Variants in ELAPOR1 observed in about 807,000 individuals in gnomAD.
ELAPOR1 encodes the protein endosome-lysosome associated apoptosis and autophagy regulator 1.
Under a neutral mutation model 119.7 loss-of-function variants are expected in ELAPOR1, and 77 were observed. The observed-to-expected ratio is 0.64, with a 90% CI of 0.54 to 0.78. The LOEUF (loss-of-function observed/expected upper bound fraction) is 0.78. Among genes scored for constraint, ELAPOR1 ranks in the 30% least tolerant of loss-of-function variants. The pLI is 0.00. For missense variants in ELAPOR1, 1,115 were observed against 1,270.4 expected, an observed-to-expected ratio of 0.88 and a Z score of 1.86; for synonymous variants, 481 against 487.2, an observed-to-expected ratio of 0.99 and a Z score of 0.17.
intron 1 of ELAPOR1, among the ~76,000 whole-genome samples, chr1:109,126,551 A>G (rs1389034686): frequency 6.6e-6 from 1 of 152,102 alleles, no homozygotes; most frequent in African/African-American, 2.4e-5. Context: ...GCTGGCTGCA[A>G]CATTCGCCTC....
Position 109,168,929 on chromosome 1 carries a change from G to A in ELAPOR1, c.468-2937G>A, listed in dbSNP as rs549813714. 1.1e-4 allele frequency among the ~76,000 whole-genome samples: 16 copies of A among 152,146 alleles called. 1 individual carries two copies. The highest frequency in any genetic ancestry group is 3.9e-4 in the African/African-American group (16 of 41,524). On this transcript the variant is annotated intron_variant, in intron 3 of 21. Coordinates refer to ENST00000369939, the MANE Select transcript of ELAPOR1 (RefSeq NM_020775.5). Reference sequence around the variant, plus strand: ...TGAATATGAAATGTCTTCACCGGGGGCAATTCTGACAAAAATCAGAATTAT... The same window carrying A: ...TGAATATGAAATGTCTTCACCGGGGACAATTCTGACAAAAATCAGAATTAT...
chr1:109,202,130 T>G (rs1357053702), intron 21 of ELAPOR1, among the ~76,000 whole-genome samples: 1 of 152,146 alleles, frequency 6.6e-6, no homozygotes, highest in Non-Finnish European at 1.5e-5. Flanking sequence ...ATTTATTTAT[T>G]GAGACGGAGT....
At chr1:109,149,659 T>C (rs749425626) in intron 1 of ELAPOR1, among the ~76,000 whole-genome samples, 9 of 152,136 alleles carry the variant, frequency 5.9e-5, no homozygotes, top group South Asian at 2.1e-4. Context: ...GCCACATCCA[T>C]GGATAAAAAC....
At chr1:109,197,755 A>G in intron 16 of ELAPOR1, 101 bp downstream of exon 16, 1 of 1,313,534 alleles carries the variant, frequency 7.6e-7, no homozygotes, top group South Asian at 1.5e-5. Flanking sequence ...GGGAGGTAAA[A>G]GGCCCCACAT....
intron 7 of ELAPOR1, among the ~76,000 whole-genome samples, chr1:109,182,642 C>T (rs963333480): frequency 6.6e-6 from 1 of 151,864 alleles, no homozygotes; most frequent in African/African-American, 2.4e-5. Context: ...CCAAGGCAGG[C>T]GGATCACGAG....
At position 109,197,552 on chromosome 1, in the gene ELAPOR1, A is replaced by G. The variant is rs1167091824; in HGVS notation, c.2200A>G (p.Ile734Val). The G allele has an allele frequency of 1.2e-6, 2 of 1,614,198 alleles. No homozygotes were observed. The highest frequency in any genetic ancestry group is 1.6e-4 in the Middle Eastern group (1 of 6,062). Reference protein sequence around the residue: ...PEGESGFSKSITAYVCQAVII... With the variant: ...PEGESGFSKSVTAYVCQAVII... ...GGGTGAGTCAGGGTTCTCCAAATCTATCACAGCCTACGTCTGCCAGGCAGT... is the reference window on the plus strand; with the variant it reads ...GGGTGAGTCAGGGTTCTCCAAATCTGTCACAGCCTACGTCTGCCAGGCAGT... Residue 734 changes from isoleucine to valine, a missense_variant, in exon 16 of 22, where the codon ATC (isoleucine) becomes GTC (valine). Transcript: ENST00000369939.
At chr1:109,142,804 T>C (rs1309419203) in intron 1 of ELAPOR1, among the ~76,000 whole-genome samples, 1 of 152,228 alleles carries the variant, frequency 6.6e-6, no homozygotes, top group African/African-American at 2.4e-5. Context: ...CTAGGTATAT[T>C]CACAAGAGAA....
chr1:109,161,703 G>A (rs1440626416), intron 1 of ELAPOR1, 191 bp from the exon 2 acceptor site: 2 of 541,954 alleles, frequency 3.7e-6, no homozygotes, highest in African/African-American at 1.9e-5. Flanking sequence ...CCATGGCTGG[G>A]TGGAAGGGAA....
chr1:109,160,184 G>A (rs932937639), intron 1 of ELAPOR1, among the ~76,000 whole-genome samples: 1 of 151,934 alleles, frequency 6.6e-6, no homozygotes, highest in Admixed American at 6.6e-5. Flanking sequence ...AGTGGCTCCT[G>A]TAGTCTCAGC....
chr1:109,121,764 T>G (rs931067105), intron 1 of ELAPOR1, among the ~76,000 whole-genome samples: 3 of 149,496 alleles, frequency 2.0e-5, no homozygotes, highest in African/African-American at 5.0e-5. Context: ...CTTCTTTGCC[T>G]GTGTATTACT....
At chr1:109,139,362 A>G (rs113295146) in intron 1 of ELAPOR1, among the ~76,000 whole-genome samples, 4 of 152,152 alleles carry the variant, frequency 2.6e-5, no homozygotes, top group Non-Finnish European at 5.9e-5. Flanking sequence ...ATAAATAAAA[A>G]TAAAATAAAT....
At chr1:109,158,910 T>A (rs1196173717) in intron 1 of ELAPOR1, among the ~76,000 whole-genome samples, 4 of 150,110 alleles carry the variant, frequency 2.7e-5, no homozygotes, top group Admixed American at 1.3e-4. Context: ...TTTTTTTTTT[T>A]AGACGGAGTC....
intron 1 of ELAPOR1, among the ~76,000 whole-genome samples, chr1:109,137,828 T>G (rs1190614543): frequency 6.6e-6 from 1 of 152,178 alleles, no homozygotes; most frequent in Non-Finnish European, 1.5e-5. Context: ...GCGCCCGGCC[T>G]AAATTTATTT....
At chr1:109,192,006 C>A in intron 13 of ELAPOR1, 143 bp downstream of exon 13, 3 of 1,010,494 alleles carry the variant, frequency 3.0e-6, no homozygotes, top group South Asian at 1.6e-5. Flanking sequence ...ACTGCCTAAC[C>A]CAGCCCTCTG....
At chr1:109,142,831 A>C (rs1649911945) in intron 1 of ELAPOR1, among the ~76,000 whole-genome samples, 2 of 152,380 alleles carry the variant, frequency 1.3e-5, no homozygotes, top group South Asian at 4.1e-4. Flanking sequence ...ACATATATTC[A>C]CACAAAAACT....
At chr1:109,145,010 T>A (rs1650089654) in intron 1 of ELAPOR1, among the ~76,000 whole-genome samples, 1 of 152,126 alleles carries the variant, frequency 6.6e-6, no homozygotes, top group South Asian at 2.1e-4. Flanking sequence ...AAAATTCAAG[T>A]GTTACCAATG....
intron 3 of ELAPOR1, 62 bp downstream of exon 3, chr1:109,164,753 C>T: frequency 6.8e-7 from 1 of 1,469,890 alleles, no homozygotes; most frequent in Non-Finnish European, 9.3e-7. Flanking sequence ...ACAGGGCACA[C>T]TGGACAGCCT....
chr1:109,200,619 C>T, intron 20 of ELAPOR1, 116 bp from the exon 21 acceptor site: 2 of 933,030 alleles, frequency 2.1e-6, no homozygotes, highest in Non-Finnish European at 3.2e-6. Context: ...TACCATGCTT[C>T]AGTCTCCTTA....
intron 14 of ELAPOR1, 139 bp from the exon 15 acceptor site, chr1:109,194,282 C>A: frequency 3.0e-6 from 2 of 659,626 alleles, no homozygotes; most frequent in Non-Finnish European, 5.2e-6. Flanking sequence ...ACTTCTTTTA[C>A]TAGCCACTCC....
Sources: allele counts gnomAD v4.1 joint callset (sites outside exome capture counted in the v4.1 genomes callset), GRCh38; gene constraint gnomAD v4.1.1; transcripts MANE v1.5; gene names NCBI Gene and HGNC (gene_info 2026-07-23, HGNC 2026-07-21).